Variants in PRIMA1 observed in about 807,000 individuals in gnomAD.
The protein encoded by PRIMA1 is proline rich membrane anchor 1, also known as proline-rich membrane anchor 1.
Under a neutral mutation model 17.5 loss-of-function variants are expected in PRIMA1, and 7 were observed. The ratio of observed to expected loss-of-function variants is 0.40; its 90% confidence interval spans 0.23 to 0.75. The LOEUF (loss-of-function observed/expected upper bound fraction) is 0.75, where lower values mean the gene tolerates loss of function less well. Ranked by LOEUF, PRIMA1 falls within the 30% of genes least tolerant of loss-of-function variation. The probability of loss-of-function intolerance (pLI) is 0.37; values close to 1 mark genes in which losing one functional copy is unlikely to be tolerated. For synonymous variants in PRIMA1, 97 were observed against 77.9 expected, an observed-to-expected ratio of 1.25 and a Z score of -1.29; for missense variants, 200 against 201.8, an observed-to-expected ratio of 0.99 and a Z score of 0.05.
chr14:93,772,409 C>A (rs955078367), intron 3 of PRIMA1, among the ~76,000 whole-genome samples: 2 of 152,260 alleles, frequency 1.3e-5, no homozygotes, highest in East Asian at 3.8e-4. Context: ...CTATTTTTGG[C>A]CCCGTCAGCC....
Position 93,726,045 on chromosome 14 carries a change from C to G in PRIMA1, c.360-4499G>C. The G allele has an allele frequency of 2.2e-6, 1 of 456,542 alleles. No individual in the cohort carries two copies. The highest frequency in any genetic ancestry group is 3.3e-4 in the Middle Eastern group (1 of 3,070). 28.3% of individuals were successfully genotyped at this position (456,542 alleles called of 1,614,324 possible). A position where few individuals can be genotyped will look rare whatever the true frequency, so the allele number is the denominator to read the frequency against. On this transcript the variant is annotated intron_variant, in intron 4 of 4. Transcript: ENST00000393140. The surrounding 1 kb of genome is among the most constrained non-coding windows in gnomAD (Gnocchi z 4.2). The stretch of plus-strand genomic sequence containing the variant: ...GAGAGGTTAGTGAGACTTTCCTTGG[C>G]GGCACCCAGGATTCCTGCTTGTAGG...
chr14:93,777,096 A>T (rs1236197829), intron 3 of PRIMA1, among the ~76,000 whole-genome samples: 1 of 152,226 alleles, frequency 6.6e-6, no homozygotes. Context: ...TGGTACTTGG[A>T]TATGCGTGAA....
At position 93,775,529 on chromosome 14, in the gene PRIMA1, G is replaced by A. The variant is rs113838645; in HGVS notation, c.229+3647C>T. Among the ~76,000 whole-genome samples the A allele has an allele frequency of 9.6e-3, 1,467 of 152,232 alleles. 25 individuals are homozygous for A. Among genetic ancestry groups the A allele is most frequent in the African/African-American group, 0.033 (1,366 of 41,526 alleles). On this transcript the variant is annotated intron_variant, in intron 3 of 4. Coordinates refer to ENST00000393140, the MANE Select transcript of PRIMA1 (RefSeq NM_178013.4). The stretch of plus-strand genomic sequence containing the variant: ...GTTGTTGTTTTTGAGGCAGAGTTAC[G>A]CTCTTATTGCCCAGGCTGGAGTGCA...
chr14:93,767,760 C>G (rs78952506), intron 3 of PRIMA1, among the ~76,000 whole-genome samples: 7,524 of 152,260 alleles, frequency 0.049, 303 homozygotes, highest in Non-Finnish European at 0.073. Flanking sequence ...TACACACCCC[C>G]CCTCTCCATT....
rs895412809 is a variant in PRIMA1, at chr14:93,757,584, G to A, written c.230-20214C>T. 5.3e-5 allele frequency among the ~76,000 whole-genome samples: 8 copies of A among 152,316 alleles called. No homozygotes were observed. The South Asian group carries it at 1.2e-3, about 24-fold the overall frequency. On this transcript the variant is annotated intron_variant, in intron 3 of 4. Coordinates refer to ENST00000393140, the MANE Select transcript of PRIMA1 (RefSeq NM_178013.4). ...GTGGGGGCTGGAGGGAGGGGGCTTC[G>A]CCCAGCAATTGGTCTGTGGTTGAAG...
chr14:93,773,414 A>G (rs891669246), intron 3 of PRIMA1, among the ~76,000 whole-genome samples: 2 of 152,188 alleles, frequency 1.3e-5, no homozygotes, highest in African/African-American at 2.4e-5. Flanking sequence ...GCATCACCTG[A>G]GAAGGGAATT....
At chr14:93,768,271 T>C (rs2141185111) in intron 3 of PRIMA1, among the ~76,000 whole-genome samples, 1 of 152,244 alleles carries the variant, frequency 6.6e-6, no homozygotes, top group South Asian at 2.1e-4. Flanking sequence ...AACATATTAG[T>C]GGCCGTGTTG....
At chr14:93,739,989 C>G (rs1194642193) in intron 3 of PRIMA1, among the ~76,000 whole-genome samples, 1 of 151,744 alleles carries the variant, frequency 6.6e-6, no homozygotes, top group East Asian at 1.9e-4. Context: ...TCGCTTGAAC[C>G]GGGAGGTGGA....
In PRIMA1 at chr14:93,777,813, C is replaced by T. The variant is rs553211308; in HGVS notation, c.229+1363G>A. Among the ~76,000 whole-genome samples the T allele has an allele frequency of 1.6e-4, 24 of 152,286 alleles. 1 individual carries two copies. Among genetic ancestry groups the T allele is most frequent in the East Asian group, 1.9e-4 (1 of 5,186 alleles). ...GGGCTGAGATTCCAGAGGGCCAGGACGGTCCTTCTCCTCTGTCTGACACAG... is the reference window on the plus strand; with the variant it reads ...GGGCTGAGATTCCAGAGGGCCAGGATGGTCCTTCTCCTCTGTCTGACACAG... On this transcript the variant is annotated intron_variant, in intron 3 of 4. Coordinates refer to ENST00000393140, the MANE Select transcript of PRIMA1 (RefSeq NM_178013.4).
At chr14:93,758,733 T>C (rs900211422) in intron 3 of PRIMA1, among the ~76,000 whole-genome samples, 1 of 152,184 alleles carries the variant, frequency 6.6e-6, no homozygotes, top group African/African-American at 2.4e-5. Context: ...GCCACCAATG[T>C]GGAGTCCCTG....
At chr14:93,728,179 G>A (rs1231842000) in intron 4 of PRIMA1, among the ~76,000 whole-genome samples, 2 of 152,224 alleles carry the variant, frequency 1.3e-5, no homozygotes, top group Non-Finnish European at 2.9e-5. Flanking sequence ...TGTGGGTTCG[G>A]CTCATTTGAG....
Position 93,721,177 on chromosome 14 carries a change from C to T in PRIMA1, c.*267G>A. 2.2e-6 allele frequency: 1 copy of T among 457,350 alleles called. No homozygotes were observed. Among genetic ancestry groups the T allele is most frequent in the Non-Finnish European group, 3.9e-6 (1 of 256,248 alleles). The allele number at this position is 457,350 out of a possible 1,614,324, so 28.3% of individuals were successfully genotyped here. ...TGGGGGCAGTCGACAGACCAGACAC[C>T]AGACAGGGAGGAGGATGTGGAGGGC... is the stretch of plus-strand genomic sequence containing the variant. On this transcript the variant is annotated 3_prime_UTR_variant, in exon 5 of 5. Coordinates refer to ENST00000393140, the MANE Select transcript of PRIMA1 (RefSeq NM_178013.4).
intron 4 of PRIMA1, among the ~76,000 whole-genome samples, chr14:93,734,297 C>T (rs771978014): frequency 1.3e-5 from 2 of 152,348 alleles, no homozygotes; most frequent in Middle Eastern, 3.4e-3. Flanking sequence ...ACCTTACTGA[C>T]GGTGTGTCCT....
At position 93,723,196 on chromosome 14, in the gene PRIMA1, G is replaced by A. The variant is rs574772100; in HGVS notation, c.360-1650C>T. 5.9e-5 allele frequency among the ~76,000 whole-genome samples: 9 copies of A among 152,272 alleles called. 1 individual carries two copies. The South Asian group carries it at 1.9e-3, about 32-fold the overall frequency. ...CAATTCCGCTATCTCATCCCCACGG[G>A]GCTGTAGCCCAGCCCCCTCCAGGGT... On this transcript the variant is annotated intron_variant, in intron 4 of 4. Coordinates refer to ENST00000393140, the MANE Select transcript of PRIMA1 (RefSeq NM_178013.4).
chr14:93,754,907 A>G (rs750412838), intron 3 of PRIMA1, among the ~76,000 whole-genome samples: 1 of 152,122 alleles, frequency 6.6e-6, no homozygotes, highest in Non-Finnish European at 1.5e-5. Flanking sequence ...AGCCACGTCC[A>G]CCTGCTTTAG....
chr14:93,786,673 T>C (rs1392366762), intron 2 of PRIMA1, among the ~76,000 whole-genome samples: 4 of 152,044 alleles, frequency 2.6e-5, no homozygotes, highest in African/African-American at 9.7e-5. Flanking sequence ...GAAAATGTCC[T>C]CCAGAGCCTG....
chr14:93,727,287 G>A (rs984383944), intron 4 of PRIMA1, among the ~76,000 whole-genome samples: 3 of 152,204 alleles, frequency 2.0e-5, no homozygotes, highest in African/African-American at 4.8e-5. Context: ...GGGGTCTGCC[G>A]GGGGAGGGGC....
At chr14:93,742,258 TGA>T (rs1402059065) in intron 3 of PRIMA1, among the ~76,000 whole-genome samples, 1 of 152,046 alleles carries the variant, frequency 6.6e-6, no homozygotes, top group Admixed American at 6.6e-5. Flanking sequence ...CTCACTGCCT[TGA>T]GAGAGTTTCC....
chr14:93,765,546 A>C (rs560110001), intron 3 of PRIMA1, among the ~76,000 whole-genome samples: 12 of 151,384 alleles, frequency 7.9e-5, no homozygotes, highest in Non-Finnish European at 1.2e-4. Context: ...TGACCCTCTC[A>C]TCAGCCCGAG....
Sources: gnomAD v4.1 joint callset for allele counts (sites outside exome capture counted in the v4.1 genomes callset) on GRCh38, gnomAD v4.1.1 for gene constraint, Gnocchi (gnomAD v3.1) non-coding constraint, MANE v1.5 for transcripts, NCBI Gene and HGNC (gene_info 2026-07-23, HGNC 2026-07-21) for gene names.